Variants in PDE10A observed in about 807,000 individuals in gnomAD.
PDE10A encodes phosphodiesterase 10A.
In PDE10A, 39 loss-of-function variants were observed where a neutral mutation model predicts 97.7. The observed-to-expected ratio is 0.40, with a 90% CI of 0.31 to 0.52. The LOEUF (loss-of-function observed/expected upper bound fraction) is 0.52, where lower values mean the gene tolerates loss of function less well. Ranked by LOEUF, PDE10A falls within the 20% of genes least tolerant of loss-of-function variation. PDE10A has a pLI of 0.56. For synonymous variants in PDE10A, 371 were observed against 376.8 expected, an observed-to-expected ratio of 0.98 and a Z score of 0.18; for missense variants, 731 against 1,047.8, an observed-to-expected ratio of 0.70 and a Z score of 4.17.
At chr6:165,438,722 C>T (rs1790219403) in intron 5 of PDE10A, among the ~76,000 whole-genome samples, 1 of 152,082 alleles carries the variant, frequency 6.6e-6, no homozygotes, top group African/African-American at 2.4e-5. Flanking sequence ...CTTTTGGAGG[C>T]TGTGGCAGGA....
chr6:165,806,134 G>A (rs1335620133), intron 1 of PDE10A, among the ~76,000 whole-genome samples: 3 of 150,742 alleles, frequency 2.0e-5, no homozygotes, highest in Non-Finnish European at 4.4e-5. Context: ...CCGGGCCAGA[G>A]GGTACTCAGG....
intron 1 of PDE10A, among the ~76,000 whole-genome samples, chr6:165,929,784 C>T (rs1037711532): frequency 2.0e-5 from 3 of 152,224 alleles, no homozygotes; most frequent in Admixed American, 6.5e-5. Flanking sequence ...CACCTAGCAC[C>T]GGGCTGGCTC....
chr6:165,769,060 T>C (rs746526397), intron 1 of PDE10A, among the ~76,000 whole-genome samples: 2 of 152,204 alleles, frequency 1.3e-5, no homozygotes, highest in Non-Finnish European at 2.9e-5. Context: ...CTTTACAAAG[T>C]GTATCAGAAG....
At chr6:165,480,231 T>C (rs773647195) in intron 3 of PDE10A, among the ~76,000 whole-genome samples, 3 of 152,146 alleles carry the variant, frequency 2.0e-5, no homozygotes, top group Non-Finnish European at 4.4e-5. Flanking sequence ...TCAAAACAAA[T>C]ACTGGAGAAT....
At chr6:165,638,642 T>C (rs1788989538) in intron 1 of PDE10A, among the ~76,000 whole-genome samples, 1 of 152,210 alleles carries the variant, frequency 6.6e-6, no homozygotes, top group Non-Finnish European at 1.5e-5. Flanking sequence ...AAGGATATAC[T>C]ATGAAATCTT....
At chr6:165,392,525 T>C in intron 16 of PDE10A, 121 bp downstream of exon 16, 2 of 916,118 alleles carry the variant, frequency 2.2e-6, no homozygotes, top group East Asian at 2.4e-5. Flanking sequence ...ACTATTGATT[T>C]ATTAAGCCAA....
chr6:165,473,134 G>A (rs1779107099), intron 3 of PDE10A, among the ~76,000 whole-genome samples: 1 of 152,150 alleles, frequency 6.6e-6, no homozygotes, highest in Non-Finnish European at 1.5e-5. Context: ...GGCATTTTTA[G>A]TCACTAAAGA....
intron 12 of PDE10A, among the ~76,000 whole-genome samples, chr6:165,415,395 T>A (rs1373553037): frequency 1.3e-5 from 2 of 152,208 alleles, no homozygotes; most frequent in Non-Finnish European, 2.9e-5. Flanking sequence ...TGGAATTAAC[T>A]AAACACTGCT....
chr6:165,742,384 T>G (rs114183467), intron 1 of PDE10A, among the ~76,000 whole-genome samples: 1,937 of 152,280 alleles, frequency 0.013, 40 homozygotes, highest in African/African-American at 0.039. Flanking sequence ...AATGGGGCAC[T>G]GCTATGTACC....
At position 165,477,150 on chromosome 6, in the gene PDE10A, A is replaced by C. The variant is rs147936177; in HGVS notation, c.1023+5165T>G. 3.4e-3 allele frequency among the ~76,000 whole-genome samples: 512 copies of C among 152,256 alleles called. 4 individuals carry two copies. Among genetic ancestry groups the C allele is most frequent in the African/African-American group, 0.012 (496 of 41,538 alleles). ...CTCCTTCCTTCACTCACTCAGATCTAGCCAAGATGGCTGCCTTGCTATGCC... is the reference window on the plus strand; with the variant it reads ...CTCCTTCCTTCACTCACTCAGATCTCGCCAAGATGGCTGCCTTGCTATGCC... On this transcript the variant is annotated intron_variant, in intron 3 of 21. Coordinates refer to ENST00000539869, the MANE Select transcript of PDE10A (RefSeq NM_001385079.1).
At chr6:165,606,076 A>G (rs1050797769) in intron 1 of PDE10A, among the ~76,000 whole-genome samples, 1 of 150,798 alleles carries the variant, frequency 6.6e-6, no homozygotes, top group East Asian at 2.0e-4. Flanking sequence ...TAACGCAGGC[A>G]AGGGAGCTGG....
intron 1 of PDE10A, among the ~76,000 whole-genome samples, chr6:165,870,400 ATAT>A (rs1562775470): frequency 6.6e-6 from 1 of 152,230 alleles, no homozygotes; most frequent in Non-Finnish European, 1.5e-5. Context: ...TCACAATGAG[ATAT>A]TGTCTCACTC....
At chr6:165,901,080 T>C (rs1782091944) in intron 1 of PDE10A, among the ~76,000 whole-genome samples, 1 of 152,074 alleles carries the variant, frequency 6.6e-6, no homozygotes, top group Admixed American at 6.5e-5. Flanking sequence ...GGCCTCCACG[T>C]GGACTCATCC....
At chr6:165,969,310 G>T (rs1045585079) in intron 1 of PDE10A, among the ~76,000 whole-genome samples, 45 of 152,264 alleles carry the variant, frequency 3.0e-4, no homozygotes, top group Admixed American at 1.0e-3. Context: ...GATAGAGGAG[G>T]AGGGTGGTGG....
At chr6:165,855,989 A>G (rs974325161) in intron 1 of PDE10A, among the ~76,000 whole-genome samples, 3 of 152,224 alleles carry the variant, frequency 2.0e-5, no homozygotes, top group South Asian at 2.1e-4. Context: ...ACTAAATTCT[A>G]TCTAAAACTT....
intron 2 of PDE10A, among the ~76,000 whole-genome samples, chr6:165,539,719 G>C (rs1013841306): frequency 6.6e-6 from 1 of 151,980 alleles, no homozygotes; most frequent in African/African-American, 2.4e-5. Context: ...TCAGGATTGG[G>C]AGACCAAGCT....
At chr6:165,827,543 T>C (rs979735346) in intron 1 of PDE10A, among the ~76,000 whole-genome samples, 1 of 152,234 alleles carries the variant, frequency 6.6e-6, no homozygotes, top group Non-Finnish European at 1.5e-5. Flanking sequence ...GAAACACACC[T>C]TACGTGGTTC....
intron 1 of PDE10A, among the ~76,000 whole-genome samples, chr6:165,608,233 G>C (rs995889046): frequency 6.7e-6 from 1 of 149,710 alleles, no homozygotes; most frequent in African/African-American, 2.5e-5. Flanking sequence ...TTTACATTAG[G>C]TATATCTCCT....
chr6:165,955,174 A>G (rs1031544330), intron 1 of PDE10A, among the ~76,000 whole-genome samples: 8 of 152,192 alleles, frequency 5.3e-5, no homozygotes, highest in African/African-American at 1.7e-4. Flanking sequence ...TGGGGCTACA[A>G]TCCCCAAGTT....
Sources: gnomAD v4.1 joint callset for allele counts (sites outside exome capture counted in the v4.1 genomes callset) on GRCh38, gnomAD v4.1.1 for gene constraint, MANE v1.5 for transcripts, NCBI Gene and HGNC (gene_info 2026-07-23, HGNC 2026-07-21) for gene names.